Variants in RAD51B observed in about 807,000 individuals in gnomAD.
RAD51B encodes the protein DNA repair protein RAD51 homolog 2.
RAD51B carries 38 observed loss-of-function variants against 42.2 expected under a neutral mutation model. That is an observed-to-expected ratio of 0.90 (90% CI 0.70 to 1.18). RAD51B has a LOEUF of 1.18. Among genes scored for constraint, RAD51B ranks in the 50% most tolerant of loss-of-function variants. The pLI is 0.00. For synonymous variants in RAD51B, 154 were observed against 145.2 expected, an observed-to-expected ratio of 1.06 and a Z score of -0.43; for missense variants, 373 against 400.7, an observed-to-expected ratio of 0.93 and a Z score of 0.59.
chr14:67,827,310 G>A (rs890183234), intron 3 of RAD51B, among the ~76,000 whole-genome samples: 1 of 152,122 alleles, frequency 6.6e-6, no homozygotes, highest in Non-Finnish European at 1.5e-5. Context: ...GCATGGTCCC[G>A]AAATTCAACT....
chr14:68,417,164 A>G (rs17828685), intron 9 of RAD51B, among the ~76,000 whole-genome samples: 1,893 of 152,252 alleles, frequency 0.012, 19 homozygotes, highest in Non-Finnish European at 0.019. Context: ...GCCCTAACTC[A>G]AAAGGAACCT....
intron 7 of RAD51B, among the ~76,000 whole-genome samples, chr14:68,049,478 CAGAG>C (rs1009891362): frequency 2.0e-5 from 3 of 152,176 alleles, no homozygotes; most frequent in African/African-American, 7.2e-5. Context: ...CCAGAGCACA[CAGAG>C]AGCATAGAGA....
intron 10 of RAD51B, among the ~76,000 whole-genome samples, chr14:68,607,521 A>G (rs989827221): frequency 6.6e-6 from 1 of 152,114 alleles, no homozygotes; most frequent in Non-Finnish European, 1.5e-5. Flanking sequence ...GAGGCTCCTC[A>G]GCCCACGTCC....
intron 7 of RAD51B, among the ~76,000 whole-genome samples, chr14:67,990,658 G>A (rs2075280015): frequency 6.6e-6 from 1 of 151,576 alleles, no homozygotes; most frequent in Non-Finnish European, 1.5e-5. Flanking sequence ...TACAATTATT[G>A]GTTATGACTA....
intron 8 of RAD51B, among the ~76,000 whole-genome samples, chr14:68,335,314 G>GAA (rs1362053743): frequency 3.2e-5 from 1 of 30,970 alleles, no homozygotes; most frequent in Non-Finnish European, 7.8e-5. Flanking sequence ...AAAAAAAAAA[G>GAA]AAAAGAAAAA....
intron 7 of RAD51B, among the ~76,000 whole-genome samples, chr14:67,981,376 T>C (rs1012941167): frequency 1.3e-5 from 2 of 152,224 alleles, no homozygotes; most frequent in Admixed American, 6.5e-5. Flanking sequence ...TGTAAAATGG[T>C]ATAACCACTT....
At chr14:68,555,505 T>C (rs537404723) in intron 10 of RAD51B, among the ~76,000 whole-genome samples, 1 of 152,212 alleles carries the variant, frequency 6.6e-6, no homozygotes, top group Admixed American at 6.5e-5. Flanking sequence ...GGGCAGAAAC[T>C]GGAAACAGGC....
At chr14:68,496,063 A>T (rs1884487352) in intron 10 of RAD51B, among the ~76,000 whole-genome samples, 1 of 152,216 alleles carries the variant, frequency 6.6e-6, no homozygotes, top group Non-Finnish European at 1.5e-5. Flanking sequence ...GCCTTCCCCC[A>T]GCAGTAACCA....
At position 67,971,234 on chromosome 14, in the gene RAD51B, A is replaced by G. The variant is rs1035196031; in HGVS notation, c.756+84030A>G. On this transcript the variant is annotated intron_variant, in intron 7 of 10. Coordinates refer to ENST00000471583, the MANE Select transcript of RAD51B (RefSeq NM_133510.4). ...GGTTTTTTTTCCTTATTCAACGGTT[A>G]CATGCGAATTTTAAAAGATTTCTTG... 2.6e-5 allele frequency among the ~76,000 whole-genome samples: 4 copies of G among 152,104 alleles called. No individual in the cohort carries two copies. In the East Asian group the frequency reaches 5.8e-4, roughly 22 times the overall value.
chr14:68,468,058 G>T lies in RAD51B; in HGVS notation c.958-114G>T, dbSNP rs575200516. 182 of 842,800 alleles carry T rather than the reference G, an allele frequency of 2.2e-4. No individual in the cohort carries two copies. In the Middle Eastern group the frequency reaches 3.8e-3, roughly 17 times the overall value. 52.2% of individuals were successfully genotyped at this position (842,800 alleles called of 1,614,324 possible). ...AAATGGTTTTTTTTTTTTTAAATAA[G>T]CCTTGTGACTTACAGTCCTATGTTA... is the stretch of plus-strand genomic sequence containing the variant. On this transcript the variant is annotated intron_variant, in intron 9 of 10. Coordinates refer to ENST00000471583, the MANE Select transcript of RAD51B (RefSeq NM_133510.4).
chr14:67,973,333 T>C (rs558081389), intron 7 of RAD51B, among the ~76,000 whole-genome samples: 1 of 152,078 alleles, frequency 6.6e-6, no homozygotes, highest in African/African-American at 2.4e-5. Context: ...AATGAGAAAT[T>C]GGCAGCAAGA....
intron 10 of RAD51B, among the ~76,000 whole-genome samples, chr14:68,515,443 CTTTTT>C (rs59782915): frequency 9.5e-5 from 5 of 52,746 alleles, no homozygotes; most frequent in African/African-American, 2.4e-4. Flanking sequence ...TCTTCTTCTT[CTTTTT>C]TTTTTTTTTT....
At chr14:68,228,689 A>G (rs1242657392) in intron 7 of RAD51B, among the ~76,000 whole-genome samples, 1 of 152,212 alleles carries the variant, frequency 6.6e-6, no homozygotes, top group African/African-American at 2.4e-5. Context: ...GCTTTATTTT[A>G]AAGCACTTGA....
intron 7 of RAD51B, among the ~76,000 whole-genome samples, chr14:67,890,862 A>C (rs905161887): frequency 1.1e-4 from 16 of 151,956 alleles, no homozygotes; most frequent in African/African-American, 3.4e-4. Context: ...TGAAATTCTT[A>C]TGTTTTTGTT....
chr14:68,199,382 G>C (rs951795715), intron 7 of RAD51B, among the ~76,000 whole-genome samples: 1 of 152,160 alleles, frequency 6.6e-6, no homozygotes, highest in Non-Finnish European at 1.5e-5. Context: ...TTTTTCACAT[G>C]AACTCTTATT....
At chr14:68,216,054 A>G (rs899718114) in intron 7 of RAD51B, among the ~76,000 whole-genome samples, 3 of 152,180 alleles carry the variant, frequency 2.0e-5, no homozygotes, top group African/African-American at 7.2e-5. Flanking sequence ...TAAGGGCAAT[A>G]TGTTTCTGAA....
At chr14:68,002,467 T>G (rs1293352226) in intron 7 of RAD51B, among the ~76,000 whole-genome samples, 7 of 152,200 alleles carry the variant, frequency 4.6e-5, no homozygotes, top group African/African-American at 1.7e-4. Context: ...AAAAATTTTC[T>G]GCCATTCTGT....
chr14:67,899,739 C>T (rs1249885136), intron 7 of RAD51B, among the ~76,000 whole-genome samples: 7 of 151,864 alleles, frequency 4.6e-5, no homozygotes, highest in Admixed American at 2.6e-4. Context: ...TTTTTTGTTT[C>T]GGGTTCTGTA....
chr14:68,104,230 A>G (rs2077338869), intron 7 of RAD51B, among the ~76,000 whole-genome samples: 1 of 152,128 alleles, frequency 6.6e-6, no homozygotes, highest in African/African-American at 2.4e-5. Context: ...TGTGATTTTG[A>G]AAGGTTTAAA....
Sources: gnomAD v4.1 joint callset for allele counts (sites outside exome capture counted in the v4.1 genomes callset) on GRCh38, gnomAD v4.1.1 for gene constraint, MANE v1.5 for transcripts, NCBI Gene and HGNC (gene_info 2026-07-23, HGNC 2026-07-21) for gene names.